CDH18: variants seen among roughly 807,000 people sequenced by gnomAD.
CDH18 encodes cadherin-18.
CDH18 carries 31 observed loss-of-function variants against 67.9 expected under a neutral mutation model. The observed-to-expected ratio is 0.46, with a 90% confidence interval of 0.34 to 0.62. CDH18 has a LOEUF of 0.62. Among genes scored for constraint, CDH18 ranks in the 20% least tolerant of loss-of-function variants. CDH18 has a pLI of 0.01. For missense variants in CDH18, 890 were observed against 975.5 expected, an observed-to-expected ratio of 0.91 and a Z score of 1.17; for synonymous variants, 362 against 347.2, an observed-to-expected ratio of 1.04 and a Z score of -0.48.
chr5:20,233,355 T>TA (rs1742223365), intron 2 of CDH18, among the ~76,000 whole-genome samples: 1 of 151,788 alleles, frequency 6.6e-6, no homozygotes, highest in African/African-American at 2.4e-5. Flanking sequence ...AATTTTTCAT[T>TA]ATTTTTTCAG....
intron 1 of CDH18, among the ~76,000 whole-genome samples, chr5:20,289,003 C>T (rs563320282): frequency 1.4e-5 from 2 of 144,590 alleles, no homozygotes. Context: ...AGTAAGAATT[C>T]TTTGGATTCT....
At chr5:20,245,779 G>C (rs1461499157) in intron 2 of CDH18, among the ~76,000 whole-genome samples, 6 of 152,066 alleles carry the variant, frequency 3.9e-5, no homozygotes, top group Non-Finnish European at 7.4e-5. Flanking sequence ...GAAATCCTTA[G>C]TATTTGTTGT....
At chr5:19,579,236 C>T (rs1463422966) in intron 7 of CDH18, among the ~76,000 whole-genome samples, 1 of 151,862 alleles carries the variant, frequency 6.6e-6, no homozygotes, top group Admixed American at 6.6e-5. Flanking sequence ...GAATGTTGGT[C>T]AATAACATGC....
intron 2 of CDH18, among the ~76,000 whole-genome samples, chr5:19,881,289 C>T (rs1194586530): frequency 6.6e-6 from 1 of 152,012 alleles, no homozygotes; most frequent in African/African-American, 2.4e-5. Context: ...TATGTGCTAC[C>T]CACTATTGAT....
chr5:20,182,770 C>A (rs1737792072), intron 2 of CDH18, among the ~76,000 whole-genome samples: 1 of 151,718 alleles, frequency 6.6e-6, no homozygotes, highest in African/African-American at 2.4e-5. Context: ...CATCAGATAC[C>A]AAATCCTAGT....
At chr5:20,047,323 CAT>C (rs1290262440) in intron 2 of CDH18, among the ~76,000 whole-genome samples, 2 of 151,806 alleles carry the variant, frequency 1.3e-5, no homozygotes, top group African/African-American at 2.4e-5. Context: ...ATGCTAGAAA[CAT>C]ATGTTTTACA....
intron 1 of CDH18, among the ~76,000 whole-genome samples, chr5:20,378,218 A>G (rs1435124965): frequency 6.6e-6 from 1 of 152,042 alleles, no homozygotes; most frequent in Non-Finnish European, 1.5e-5. Flanking sequence ...CTGTCGTCCA[A>G]GCTGGAGTGC....
intron 5 of CDH18, among the ~76,000 whole-genome samples, chr5:19,622,645 T>C (rs186468352): frequency 2.6e-5 from 4 of 152,254 alleles, no homozygotes; most frequent in Non-Finnish European, 5.9e-5. Flanking sequence ...TTCTGGTAAG[T>C]GATCTAGCTA....
intron 2 of CDH18, among the ~76,000 whole-genome samples, chr5:20,128,782 A>C (rs746657240): frequency 1.3e-5 from 2 of 152,248 alleles, no homozygotes; most frequent in Non-Finnish European, 2.9e-5. Context: ...TAAGAAACAT[A>C]TAAGATCTTA....
chr5:19,503,202 TA>T (rs1743548506), intron 10 of CDH18, 93 bp from the exon 11 acceptor site: 4 of 656,690 alleles, frequency 6.1e-6, no homozygotes, highest in Admixed American at 2.7e-5. Flanking sequence ...AAAATATTTT[TA>T]AAGGATCTTT....
intron 2 of CDH18, among the ~76,000 whole-genome samples, chr5:20,172,410 TC>T (rs1256901149): frequency 1.3e-5 from 2 of 151,236 alleles, no homozygotes; most frequent in African/African-American, 4.9e-5. Flanking sequence ...TTACATTATT[TC>T]TTTTAAAAAT....
chr5:19,579,763 C>T (rs11956000), intron 7 of CDH18, among the ~76,000 whole-genome samples: 18,313 of 151,690 alleles, frequency 0.12, 1,600 homozygotes, highest in African/African-American at 0.25. Flanking sequence ...TTTTAAGGCA[C>T]ATGTTTACAT....
At chr5:20,492,051 G>C (rs999972940) in intron 1 of CDH18, among the ~76,000 whole-genome samples, 2 of 151,696 alleles carry the variant, frequency 1.3e-5, no homozygotes, top group African/African-American at 4.8e-5. Flanking sequence ...ATTTCTTTCT[G>C]CTGCCTAGAA....
intron 5 of CDH18, among the ~76,000 whole-genome samples, chr5:19,660,091 C>T (rs1215452614): frequency 6.6e-6 from 1 of 152,042 alleles, no homozygotes; most frequent in African/African-American, 2.4e-5. Flanking sequence ...AGCATTTAAG[C>T]CATTCTCTTC....
At chr5:19,975,904 A>G (rs1798454194) in intron 2 of CDH18, among the ~76,000 whole-genome samples, 1 of 152,120 alleles carries the variant, frequency 6.6e-6, no homozygotes, top group Non-Finnish European at 1.5e-5. Flanking sequence ...ACCTTTTTGC[A>G]TACACATTAA....
chr5:19,963,636 T>A (rs1201614692), intron 2 of CDH18, among the ~76,000 whole-genome samples: 1 of 152,128 alleles, frequency 6.6e-6, no homozygotes. Flanking sequence ...CCTTCAACCA[T>A]GATTATAAGT....
At chr5:19,506,841 T>C (rs1263576888) in intron 10 of CDH18, among the ~76,000 whole-genome samples, 2 of 152,196 alleles carry the variant, frequency 1.3e-5, no homozygotes, top group Non-Finnish European at 2.9e-5. Context: ...GACATAGGCA[T>C]GGGCAAGGAC....
intron 2 of CDH18, among the ~76,000 whole-genome samples, chr5:20,174,052 C>G (rs891450444): frequency 1.2e-4 from 19 of 152,008 alleles, no homozygotes; most frequent in Non-Finnish European, 2.2e-4. Flanking sequence ...TAAAAGTAGT[C>G]AAGAGAAAGT....
Position 19,571,846 on chromosome 5 carries a change from A to G in CDH18, c.1000-14T>C. ...ATAGTTCAGTGGCTGTGGGGAAAAA[A>G]AATAAGATTATGACTTTTATAAAAA... On this transcript the variant is annotated splice_polypyrimidine_tract_variant and intron_variant, in intron 7 of 12. Transcript: ENST00000382275. 1 of 1,595,226 alleles carries G rather than the reference A, an allele frequency of 6.3e-7. No homozygotes were observed. Among genetic ancestry groups the G allele is most frequent in the African/African-American group, 1.3e-5 (1 of 74,318 alleles).
Sources: allele counts gnomAD v4.1 joint callset (sites outside exome capture counted in the v4.1 genomes callset), GRCh38; gene constraint gnomAD v4.1.1; transcripts MANE v1.5; gene names NCBI Gene and HGNC (gene_info 2026-07-23, HGNC 2026-07-21).